Variants in RNF212 observed in about 807,000 individuals in gnomAD.
The protein encoded by RNF212 is ring finger protein 212, also known as probable E3 SUMO-protein ligase RNF212.
In RNF212, 33 loss-of-function variants were observed where a neutral mutation model predicts 34.7. The observed-to-expected ratio is 0.95, with a 90% CI of 0.72 to 1.27. RNF212 has a LOEUF of 1.27. RNF212 is among the 50% of genes most tolerant of loss of function. The probability of loss-of-function intolerance (pLI) is 0.00; values close to 1 mark genes in which losing one functional copy is unlikely to be tolerated. For missense variants in RNF212, 377 were observed against 362.2 expected, an observed-to-expected ratio of 1.04 and a Z score of -0.33; for synonymous variants, 140 against 136.1, an observed-to-expected ratio of 1.03 and a Z score of -0.20.
intron 8 of RNF212, among the ~76,000 whole-genome samples, chr4:1,079,270 A>G (rs1719928368): frequency 6.6e-6 from 1 of 152,104 alleles, no homozygotes; most frequent in African/African-American, 2.4e-5. Context: ...ACATGGGACC[A>G]ACACAGGGTC....
intron 8 of RNF212, among the ~76,000 whole-genome samples, chr4:1,076,876 T>C (rs1251109545): frequency 6.6e-6 from 1 of 152,222 alleles, no homozygotes; most frequent in Non-Finnish European, 1.5e-5. Flanking sequence ...GCTTTTGCAA[T>C]TCCATGACAG....
chr4:1,111,858 G>T (rs1282576518), intron 1 of RNF212, among the ~76,000 whole-genome samples: 5 of 152,202 alleles, frequency 3.3e-5, no homozygotes. Context: ...CAGTGGAAAC[G>T]ATGAGTAACT....
chr4:1,110,250 C>G (rs142073400), intron 1 of RNF212, among the ~76,000 whole-genome samples: 20 of 152,242 alleles, frequency 1.3e-4, no homozygotes, highest in African/African-American at 3.9e-4. Flanking sequence ...ATGAGGAGAC[C>G]TGAATAGGCA....
chr4:1,079,921 C>T (rs936944980), intron 7 of RNF212, among the ~76,000 whole-genome samples: 9 of 152,218 alleles, frequency 5.9e-5, no homozygotes, highest in South Asian at 2.1e-4. Context: ...GGCCGCTGGC[C>T]GGCCCGCCCT....
intron 5 of RNF212, chr4:1,085,633 C>T (rs1388883799): frequency 2.6e-5 from 14 of 547,312 alleles, no homozygotes; most frequent in Non-Finnish European, 4.5e-5. Context: ...CTCCCAGGCC[C>T]CTCCCACTGC....
chr4:1,105,742 G>A (rs891535976), intron 2 of RNF212, among the ~76,000 whole-genome samples: 4 of 46,696 alleles, frequency 8.6e-5, no homozygotes, highest in Admixed American at 3.5e-4. Flanking sequence ...AATATAAAGC[G>A]TCCTTCCACC....
intron 3 of RNF212, among the ~76,000 whole-genome samples, chr4:1,092,781 A>G (rs952143194): frequency 1.3e-5 from 2 of 152,248 alleles, no homozygotes; most frequent in African/African-American, 4.8e-5. Flanking sequence ...CTTTGCCCGC[A>G]TCCTGCGAAC....
intron 4 of RNF212, among the ~76,000 whole-genome samples, chr4:1,086,573 G>A (rs1227649392): frequency 1.2e-5 from 1 of 83,782 alleles, no homozygotes; most frequent in African/African-American, 5.3e-5. Context: ...GGAGGGGTAG[G>A]GGAAAGAGGA....
At chr4:1,081,702 G>A (rs145617430) in intron 5 of RNF212, 83 bp from the exon 6 acceptor site, 13 of 953,006 alleles carry the variant, frequency 1.4e-5, no homozygotes, top group Non-Finnish European at 1.8e-5. Context: ...GTGTAAGAAG[G>A]CTCTGAATCA....
Position 1,096,834 on chromosome 4 carries a change from G to A in RNF212, c.177C>T (p.Asp59=), listed in dbSNP as rs193063713. 64 of 1,609,826 alleles carry A rather than the reference G, an allele frequency of 4.0e-5. No individual in the cohort carries two copies. In the East Asian group the frequency reaches 1.0e-3, roughly 26 times the overall value. ...TCATGAAGAATGCCTGGATATCTGC[G>A]TCGGTCTGAAAGAGAAAGAAATGAC... The part of the protein sequence containing the change: ...CRTVLLSKHT[D]ADIQAFFMSI... Residue 59 remains aspartate, a synonymous_variant, in exon 3 of 10, where the codon GAC becomes GAT. Transcript: ENST00000433731.
At chr4:1,085,388 A>G (rs1721004178) in intron 5 of RNF212, among the ~76,000 whole-genome samples, 1 of 152,264 alleles carries the variant, frequency 6.6e-6, no homozygotes, top group Non-Finnish European at 1.5e-5. Context: ...TAATGCTTTA[A>G]GTCCCCATTT....
At chr4:1,110,456 G>A (rs1369105922) in intron 1 of RNF212, among the ~76,000 whole-genome samples, 4 of 151,952 alleles carry the variant, frequency 2.6e-5, no homozygotes, top group South Asian at 2.1e-4. Flanking sequence ...ACTCCACCCC[G>A]AAGAATATAT....
chr4:1,080,151 A>C (rs1348363055), intron 7 of RNF212, among the ~76,000 whole-genome samples: 3 of 152,246 alleles, frequency 2.0e-5, no homozygotes, highest in Admixed American at 2.0e-4. Context: ...CATTTGCCAA[A>C]GGCAGACAGG....
At chr4:1,084,963 C>T (rs1041125415) in intron 5 of RNF212, among the ~76,000 whole-genome samples, 29 of 152,234 alleles carry the variant, frequency 1.9e-4, no homozygotes, top group Non-Finnish European at 2.9e-5. Context: ...GCGTCACCAG[C>T]TTCCCACAGG....
At chr4:1,090,575 G>T (rs1722029889) in intron 4 of RNF212, among the ~76,000 whole-genome samples, 1 of 152,176 alleles carries the variant, frequency 6.6e-6, no homozygotes, top group Non-Finnish European at 1.5e-5. Context: ...GCACCCAAGG[G>T]GCTACTTGGT....
chr4:1,100,061 G>A (rs1197664858), intron 2 of RNF212: 8 of 358,566 alleles, frequency 2.2e-5, no homozygotes, highest in African/African-American at 4.3e-5. Flanking sequence ...GCTACAGCAC[G>A]ATACTGTCCT....
intron 7 of RNF212, among the ~76,000 whole-genome samples, chr4:1,080,868 C>A (rs577738155): frequency 1.7e-4 from 26 of 152,370 alleles, no homozygotes; most frequent in African/African-American, 6.3e-4. Flanking sequence ...GCCGGGTTTT[C>A]TCTGGGATGC....
intron 2 of RNF212, among the ~76,000 whole-genome samples, chr4:1,103,057 T>C (rs1437256392): frequency 6.6e-6 from 1 of 151,742 alleles, no homozygotes; most frequent in Non-Finnish European, 1.5e-5. Flanking sequence ...ATACCCACTG[T>C]TAAACAAGAG....
At chr4:1,094,564 G>A (rs1269118083) in intron 3 of RNF212, among the ~76,000 whole-genome samples, 1 of 152,092 alleles carries the variant, frequency 6.6e-6, no homozygotes, top group Non-Finnish European at 1.5e-5. Flanking sequence ...CACAGCAGGG[G>A]CTCAGCTGCC....
Sources: gnomAD v4.1 joint callset for allele counts (sites outside exome capture counted in the v4.1 genomes callset) on GRCh38, gnomAD v4.1.1 for gene constraint, MANE v1.5 for transcripts, NCBI Gene and HGNC (gene_info 2026-07-23, HGNC 2026-07-21) for gene names.